ARHGAP42: variants seen among roughly 807,000 people sequenced by gnomAD.
ARHGAP42 encodes Rho GTPase activating protein 42, also known as rho GTPase-activating protein 42.
In ARHGAP42, 63 loss-of-function variants were observed where a neutral mutation model predicts 125.0. The ratio of observed to expected loss-of-function variants is 0.50; its 90% confidence interval spans 0.41 to 0.62. The LOEUF (loss-of-function observed/expected upper bound fraction) is 0.62, where lower values mean the gene tolerates loss of function less well. Among genes scored for constraint, ARHGAP42 ranks in the 20% least tolerant of loss-of-function variants. The pLI is 0.00. For missense variants in ARHGAP42, 766 were observed against 1,024.2 expected (o/e 0.75, Z 3.44); for synonymous variants, 339 against 351.0 (o/e 0.97, Z 0.38).
intron 8 of ARHGAP42, among the ~76,000 whole-genome samples, chr11:100,940,856 G>A (rs1867865024): frequency 6.6e-6 from 1 of 152,020 alleles, no homozygotes; most frequent in East Asian, 1.9e-4. Context: ...ATTCTAGTCA[G>A]TTGAACATCA....
Position 100,714,323 on chromosome 11 carries a change from A to G in ARHGAP42, c.154+26491A>G, listed in dbSNP as rs185587135. On this transcript the variant is annotated intron_variant, in intron 1 of 23. Coordinates refer to ENST00000298815, the MANE Select transcript of ARHGAP42 (RefSeq NM_152432.4). Reference sequence around the variant, plus strand: ...TATTCCTAATTCTACTAAACTTTATAAAAACATTTCAAAGGGCTAACAGGG... The same window carrying G: ...TATTCCTAATTCTACTAAACTTTATGAAAACATTTCAAAGGGCTAACAGGG... Among the ~76,000 whole-genome samples, 5 of 152,350 alleles carry G rather than the reference A, an allele frequency of 3.3e-5. No homozygotes were observed. In the East Asian group the frequency reaches 5.8e-4, roughly 18 times the overall value.
chr11:100,948,480 C>G lies in ARHGAP42; in HGVS notation c.1067C>G (p.Ala356Gly), dbSNP rs1441373980. 3.9e-6 allele frequency: 6 copies of G among 1,549,394 alleles called. No homozygotes were observed. The highest frequency in any genetic ancestry group is 8.7e-7 in the Non-Finnish European group (1 of 1,145,646). The change falls in exon 11 of 24, where the codon GCC (alanine) becomes GGC (glycine). Residue 356 changes from alanine to glycine, a missense_variant. By Grantham distance (60) the Ala-to-Gly change is moderately conservative. Transcript: ENST00000298815. ...VERHGIITLQ[A>G]FSEANRKLWL... ...AGGCATGGGATCATCACGTTACAGG[C>G]CTTCTCAGAAGCTAATAGGAAACTC...
intron 1 of ARHGAP42, among the ~76,000 whole-genome samples, chr11:100,703,079 G>A (rs1861423643): frequency 6.6e-6 from 1 of 152,300 alleles, no homozygotes; most frequent in Admixed American, 6.5e-5. Context: ...TTGAATATCT[G>A]TATAGTAAAT....
chr11:100,986,015 A>C (rs1858669562), intron 22 of ARHGAP42: 20 of 456,380 alleles, frequency 4.4e-5, no homozygotes, highest in South Asian at 3.1e-4. Context: ...CTTTAAAAAG[A>C]CTCATCATGT....
intron 1 of ARHGAP42, among the ~76,000 whole-genome samples, chr11:100,753,120 C>T (rs1272233547): frequency 2.6e-5 from 4 of 152,128 alleles, no homozygotes; most frequent in African/African-American, 9.7e-5. Flanking sequence ...CAGGCCCTTG[C>T]TCTGGTTCTC....
At chr11:100,819,496 G>A (rs1270021112) in intron 3 of ARHGAP42, among the ~76,000 whole-genome samples, 2 of 152,112 alleles carry the variant, frequency 1.3e-5, no homozygotes, top group Non-Finnish European at 2.9e-5. Flanking sequence ...CAGATAGTAG[G>A]AAATTTGCTG....
chr11:100,741,431 G>C (rs1298328286), intron 1 of ARHGAP42, among the ~76,000 whole-genome samples: 2 of 152,194 alleles, frequency 1.3e-5, no homozygotes, highest in Non-Finnish European at 2.9e-5. Context: ...TGTGTGAATA[G>C]AGAGAGGGTG....
At chr11:100,824,993 G>A (rs1235541498) in intron 3 of ARHGAP42, among the ~76,000 whole-genome samples, 1 of 152,182 alleles carries the variant, frequency 6.6e-6, no homozygotes, top group Non-Finnish European at 1.5e-5. Flanking sequence ...GACAAAGGAG[G>A]ATGGTTAACA....
intron 12 of ARHGAP42, among the ~76,000 whole-genome samples, chr11:100,957,844 T>C (rs1857845164): frequency 6.6e-6 from 1 of 152,106 alleles, no homozygotes; most frequent in Non-Finnish European, 1.5e-5. Flanking sequence ...CCCAGTATAC[T>C]TTGAGGTACA....
chr11:100,941,031 A>G (rs1197127269), intron 8 of ARHGAP42, among the ~76,000 whole-genome samples: 4 of 152,186 alleles, frequency 2.6e-5, no homozygotes, highest in Non-Finnish European at 2.9e-5. Context: ...GATCTTAGGT[A>G]TCTCTCCAGG....
At chr11:100,910,956 C>T (rs954319891) in intron 4 of ARHGAP42, among the ~76,000 whole-genome samples, 2 of 152,052 alleles carry the variant, frequency 1.3e-5, no homozygotes, top group African/African-American at 4.8e-5. Context: ...GATGTATTGG[C>T]TCCAAATTAA....
chr11:100,799,001 T>C (rs1863788990), intron 3 of ARHGAP42, among the ~76,000 whole-genome samples: 1 of 152,230 alleles, frequency 6.6e-6, no homozygotes, highest in Non-Finnish European at 1.5e-5. Context: ...CAGTTCTGTA[T>C]AAGTTGTGGA....
At chr11:100,949,338 A>G (rs1340666803) in intron 11 of ARHGAP42, among the ~76,000 whole-genome samples, 1 of 152,146 alleles carries the variant, frequency 6.6e-6, no homozygotes, top group Non-Finnish European at 1.5e-5. Context: ...CACTTGGGTT[A>G]TTTTAAGCCT....
chr11:100,962,445 C>T lies in ARHGAP42; in HGVS notation c.1422C>T (p.His474=). The T allele has an allele frequency of 1.9e-6, 3 of 1,550,872 alleles. No individual in the cohort carries two copies. The highest frequency in any genetic ancestry group is 1.2e-5 in the South Asian group (1 of 84,044). The change falls in exon 16 of 24, where the codon CAC becomes CAT. Residue 474 remains histidine, a synonymous_variant. Coordinates refer to ENST00000298815, the MANE Select transcript of ARHGAP42 (RefSeq NM_152432.4). ...AACCACTGATGACTTACAAGTTGCA[C>T]AAAGATTTTATCATTGCTGTTAGTA... ...LAEPLMTYKL[H]KDFIIAVKSD... is the part of the protein sequence containing the mutation.
At chr11:100,950,052 A>C (rs1001573364) in intron 12 of ARHGAP42, 96 bp downstream of exon 12, 10 of 692,358 alleles carry the variant, frequency 1.4e-5, no homozygotes, top group Non-Finnish European at 2.3e-5. Context: ...AAATAGTATA[A>C]CACCATTGAT....
At chr11:100,970,311 T>C (rs571428404) in intron 17 of ARHGAP42, among the ~76,000 whole-genome samples, 4 of 152,256 alleles carry the variant, frequency 2.6e-5, no homozygotes, top group Admixed American at 2.6e-4. Context: ...TTTAGTGAAC[T>C]ATTTTAATGA....
chr11:100,799,928 G>A (rs1301380257), intron 3 of ARHGAP42, among the ~76,000 whole-genome samples: 2 of 152,180 alleles, frequency 1.3e-5, no homozygotes, highest in Non-Finnish European at 2.9e-5. Context: ...GGAGAATAGT[G>A]TTATGAAGGA....
intron 3 of ARHGAP42, among the ~76,000 whole-genome samples, chr11:100,849,442 G>GCT (rs1409245533): frequency 6.6e-6 from 1 of 152,142 alleles, no homozygotes; most frequent in Non-Finnish European, 1.5e-5. Context: ...GTGCTCAAAC[G>GCT]CCTGGGAAAG....
chr11:100,923,820 C>G (rs1867346207), intron 6 of ARHGAP42, among the ~76,000 whole-genome samples: 1 of 152,032 alleles, frequency 6.6e-6, no homozygotes, highest in South Asian at 2.1e-4. Context: ...CTGGCCAAAC[C>G]AAATAGTACT....
Sources: gnomAD v4.1 joint callset for allele counts (sites outside exome capture counted in the v4.1 genomes callset) on GRCh38, gnomAD v4.1.1 for gene constraint, MANE v1.5 for transcripts, NCBI Gene and HGNC (gene_info 2026-07-23, HGNC 2026-07-21) for gene names.